Variants in TUSC3 observed in about 807,000 individuals in gnomAD.
TUSC3 encodes the protein tumor suppressor candidate 3, also known as dolichyl-diphosphooligosaccharide--protein glycosyltransferase subunit TUSC3.
Under a neutral mutation model 44.8 loss-of-function variants are expected in TUSC3, and 45 were observed. The observed-to-expected ratio is 1.00, with a 90% confidence interval of 0.79 to 1.29. The LOEUF (loss-of-function observed/expected upper bound fraction) is 1.29. TUSC3 is among the 50% of genes most tolerant of loss of function. TUSC3 has a pLI of 0.00. For missense variants in TUSC3, 519 were observed against 437.9 expected (o/e 1.19, Z -1.65); for synonymous variants, 212 against 152.9 (o/e 1.39, Z -2.85).
chr8:15,781,932 A>C, the TUSC3 span, among the ~76,000 whole-genome samples: 1 of 152,340 alleles, frequency 6.6e-6, no homozygotes, highest in African/African-American at 2.4e-5. Flanking sequence ...CAGGAGTTCC[A>C]GACCACCCTA....
chr8:15,513,480 A>C (rs940263061), intron 2 of TUSC3, among the ~76,000 whole-genome samples: 1 of 152,328 alleles, frequency 6.6e-6, no homozygotes, highest in South Asian at 2.1e-4. Flanking sequence ...ATACAAGATT[A>C]TATTCAAAGT....
At chr8:15,446,015 C>T (rs185250328) in intron 1 of TUSC3, among the ~76,000 whole-genome samples, 26,391 of 150,216 alleles carry the variant, frequency 0.18, 2,596 homozygotes, top group Middle Eastern at 0.27. Flanking sequence ...CCAGACGGGC[C>T]GGCTGCCGGG....
At chr8:15,628,441 A>G (rs930977638) in intron 2 of TUSC3, among the ~76,000 whole-genome samples, 1 of 152,036 alleles carries the variant, frequency 6.6e-6, no homozygotes, top group Non-Finnish European at 1.5e-5. Context: ...TTTGCTTTTT[A>G]TTTGTTCATT....
chr8:15,786,674 G>T, the TUSC3 span, among the ~76,000 whole-genome samples: 1 of 152,082 alleles, frequency 6.6e-6, no homozygotes, highest in Non-Finnish European at 1.5e-5. Context: ...GCCAGGCATG[G>T]TGTCTCACGC....
chr8:15,639,538 CTCTAA>C (rs1563148252), intron 2 of TUSC3, among the ~76,000 whole-genome samples: 1 of 152,138 alleles, frequency 6.6e-6, no homozygotes, highest in African/African-American at 2.4e-5. Flanking sequence ...ACTTTTAAAA[CTCTAA>C]TCTTGATAGC....
chr8:15,818,227 A>G, the TUSC3 span, among the ~76,000 whole-genome samples: 1 of 152,164 alleles, frequency 6.6e-6, no homozygotes, highest in East Asian at 1.9e-4. Flanking sequence ...TTGACACATG[A>G]TAGTCATCAT....
intron 1 of TUSC3, among the ~76,000 whole-genome samples, chr8:15,427,681 C>CTTATG (rs1799821174): frequency 2.6e-5 from 4 of 152,060 alleles, no homozygotes; most frequent in South Asian, 2.1e-4. Context: ...CACCTTATGC[C>CTTATG]CCTCAGTCAA....
At chr8:15,502,176 A>G (rs573706504) in intron 2 of TUSC3, among the ~76,000 whole-genome samples, 47 of 152,312 alleles carry the variant, frequency 3.1e-4, no homozygotes, top group African/African-American at 1.0e-3. Flanking sequence ...TCAAATTGCA[A>G]ACTATGATTT....
At chr8:15,803,122 G>A in the TUSC3 span, among the ~76,000 whole-genome samples, 58 of 152,258 alleles carry the variant, frequency 3.8e-4, 1 homozygote, top group South Asian at 1.9e-3. Flanking sequence ...CCTTCATAAT[G>A]TTGGTCATCA....
chr8:15,756,977 A>C (rs897404761), intron 9 of TUSC3, among the ~76,000 whole-genome samples: 12 of 152,142 alleles, frequency 7.9e-5, no homozygotes, highest in Non-Finnish European at 1.2e-4. Flanking sequence ...TCTACAAAAA[A>C]TTTAAAAAAT....
At chr8:15,552,438 T>A (rs1042684089) in intron 1 of TUSC3, among the ~76,000 whole-genome samples, 2 of 151,758 alleles carry the variant, frequency 1.3e-5, no homozygotes, top group African/African-American at 2.4e-5. Context: ...ATCAGGCAGT[T>A]ATAATGTAAT....
chr8:15,505,598 A>G (rs536302519), intron 2 of TUSC3, among the ~76,000 whole-genome samples: 1 of 152,312 alleles, frequency 6.6e-6, no homozygotes, highest in African/African-American at 2.4e-5. Flanking sequence ...TGTCCTAAGA[A>G]TCACCAACTG....
At chr8:15,829,273 G>C in the TUSC3 span, among the ~76,000 whole-genome samples, 249 of 152,182 alleles carry the variant, frequency 1.6e-3, 3 homozygotes, top group South Asian at 0.021. Context: ...TTATCTTTTT[G>C]AGCATAAACG....
Position 15,544,677 on chromosome 8 carries a change from G to C in TUSC3, c.138+4109G>C, listed in dbSNP as rs544917501. Reference sequence around the variant, plus strand: ...TTACTATCTTAGCAAATGATAAAAGGGGAGAGGAGGGAGGTAAGCAATGGA... The same window carrying C: ...TTACTATCTTAGCAAATGATAAAAGCGGAGAGGAGGGAGGTAAGCAATGGA... On this transcript the variant is annotated intron_variant, in intron 1 of 10. Transcript: ENST00000503731. 1.1e-4 allele frequency among the ~76,000 whole-genome samples: 16 copies of C among 151,914 alleles called. 1 individual carries two copies. The highest frequency in any genetic ancestry group is 3.6e-4 in the African/African-American group (15 of 41,530).
At chr8:15,675,293 A>T (rs975386587) in intron 6 of TUSC3, among the ~76,000 whole-genome samples, 7 of 150,788 alleles carry the variant, frequency 4.6e-5, no homozygotes, top group Non-Finnish European at 1.0e-4. Flanking sequence ...GTATTCTTCT[A>T]AGAGTATTCT....
chr8:15,615,796 T>G (rs1391191961), intron 1 of TUSC3, among the ~76,000 whole-genome samples: 2 of 152,106 alleles, frequency 1.3e-5, no homozygotes, highest in Non-Finnish European at 2.9e-5. Flanking sequence ...GTTTATACAC[T>G]AAAATACTAC....
chr8:15,708,427 C>A (rs960972335), intron 6 of TUSC3, among the ~76,000 whole-genome samples: 20 of 151,942 alleles, frequency 1.3e-4, no homozygotes, highest in African/African-American at 4.1e-4. Context: ...AAGTGACACA[C>A]AAAACTGAAA....
At chr8:15,757,910 G>C in intron 10 of TUSC3, 55 bp downstream of exon 10, 3 of 1,450,214 alleles carry the variant, frequency 2.1e-6, no homozygotes, top group African/African-American at 1.4e-5. Context: ...CAAATATAGA[G>C]AGTATAACAT....
chr8:15,605,528 A>T lies in TUSC3; in HGVS notation c.139-17552A>T, dbSNP rs191523824. The stretch of plus-strand genomic sequence containing the variant: ...TCTATTTATACATAGATTTTTTTCA[A>T]ATCAATATATTGGAAAATTTTTTTA... On this transcript the variant is annotated intron_variant, in intron 1 of 10. Coordinates refer to ENST00000503731, the MANE Select transcript of TUSC3 (RefSeq NM_006765.4). 9.6e-4 allele frequency among the ~76,000 whole-genome samples: 146 copies of T among 152,058 alleles called. 2 individuals carry two copies. The highest frequency in any genetic ancestry group is 3.4e-3 in the African/African-American group (141 of 41,510).
Sources: gnomAD v4.1 joint callset for allele counts (sites outside exome capture counted in the v4.1 genomes callset) on GRCh38, gnomAD v4.1.1 for gene constraint, MANE v1.5 for transcripts, NCBI Gene and HGNC (gene_info 2026-07-23, HGNC 2026-07-21) for gene names.